The following AKAP6 variants were observed in gnomAD, a reference collection of about 807,000 sequenced individuals.
The protein encoded by AKAP6 is A-kinase anchor protein 6.
In AKAP6, 58 loss-of-function variants were observed where a neutral mutation model predicts 188.5. The observed-to-expected ratio is 0.31, with a 90% CI of 0.25 to 0.38. The LOEUF is 0.38. Among genes scored for constraint, AKAP6 ranks in the 10% least tolerant of loss-of-function variants. AKAP6 has a pLI of 1.00. For synonymous variants in AKAP6, 989 were observed against 998.6 expected (o/e 0.99, Z 0.18); for missense variants, 2,710 against 2,740.0 (o/e 0.99, Z 0.24).
chr14:32,508,046 T>C (rs1442208898), intron 2 of AKAP6, among the ~76,000 whole-genome samples: 1 of 152,208 alleles, frequency 6.6e-6, no homozygotes, highest in Non-Finnish European at 1.5e-5. Context: ...ACTTCAATTA[T>C]CTGTGATGTG....
intron 13 of AKAP6, among the ~76,000 whole-genome samples, chr14:32,825,809 G>A (rs976615636): frequency 2.3e-4 from 35 of 152,126 alleles, no homozygotes; most frequent in Non-Finnish European, 1.2e-4. Context: ...ACCTAAACTC[G>A]TGCTATAGGA....
chr14:32,582,973 CCTT>C (rs1282485611), intron 5 of AKAP6, among the ~76,000 whole-genome samples: 1 of 152,196 alleles, frequency 6.6e-6, no homozygotes, highest in East Asian at 1.9e-4. Context: ...TCATCTGAAG[CCTT>C]CTTCTCTCAA....
At chr14:32,752,967 G>A (rs1039042118) in intron 11 of AKAP6, among the ~76,000 whole-genome samples, 2 of 151,970 alleles carry the variant, frequency 1.3e-5, no homozygotes, top group African/African-American at 4.8e-5. Context: ...TGATCAGTTT[G>A]GTTTTTTCCA....
chr14:32,436,616 A>C (rs1016806855), intron 2 of AKAP6, among the ~76,000 whole-genome samples: 1 of 152,136 alleles, frequency 6.6e-6, no homozygotes, highest in Non-Finnish European at 1.5e-5. Flanking sequence ...CTTGCAGTTT[A>C]TTCTCCACCC....
At chr14:32,381,726 C>G (rs1364522646) in intron 1 of AKAP6, among the ~76,000 whole-genome samples, 1 of 152,068 alleles carries the variant, frequency 6.6e-6, no homozygotes, top group Non-Finnish European at 1.5e-5. Context: ...ACCCCTATTC[C>G]TCCATAAACC....
chr14:32,421,751 A>C lies in AKAP6; in HGVS notation c.-34-11709A>C, dbSNP rs142404567. Among the ~76,000 whole-genome samples, 22 of 152,250 alleles carry C rather than the reference A, an allele frequency of 1.4e-4. 1 individual carries two copies. The East Asian group carries it at 2.5e-3, about 17-fold the overall frequency. ...TCTGAATGTGTAGGTGGGCCTGTTG[A>C]CTGAATGTCACTGTAGGGTAATCTG... On this transcript the variant is annotated intron_variant, in intron 1 of 13. Transcript: ENST00000280979.
chr14:32,390,657 G>T (rs189484887), intron 1 of AKAP6, among the ~76,000 whole-genome samples: 1 of 152,222 alleles, frequency 6.6e-6, no homozygotes, highest in African/African-American at 2.4e-5. Flanking sequence ...ACCAGGTTCT[G>T]GGCTGGTACT....
rs146131670 is a variant in AKAP6, at chr14:32,829,851, C to T, written c.*46C>T. The T allele has an allele frequency of 2.0e-4, 142 of 699,964 alleles. No individual in the cohort carries two copies. Among genetic ancestry groups the T allele is most frequent in the Admixed American group, 3.0e-4 (15 of 49,554 alleles). The allele number at this position is 699,964 out of a possible 1,614,324, so 43.4% of individuals were successfully genotyped here. A position where few individuals can be genotyped will look rare whatever the true frequency, so the allele number is the denominator to read the frequency against. Reference sequence around the variant, plus strand: ...GTCACTTTTTTGTTTCTTGTAGATACGCCTGGCTGCAACTCAGGGGTGGCC... The same window carrying T: ...GTCACTTTTTTGTTTCTTGTAGATATGCCTGGCTGCAACTCAGGGGTGGCC... On this transcript the variant is annotated 3_prime_UTR_variant, in exon 14 of 14. Transcript: ENST00000280979.
chr14:32,822,615 C>A lies in AKAP6; in HGVS notation c.4802C>A (p.Thr1601Asn). 1 of 1,613,974 alleles carries A rather than the reference C, an allele frequency of 6.2e-7. No homozygotes were observed. Among genetic ancestry groups the A allele is most frequent in the Non-Finnish European group, 8.5e-7 (1 of 1,179,960 alleles). ...AGCACTTCTTTAGAAAGTTGGTTGA[C>A]TTCCTATAAAAGCAATGAAGATCTC... Reference protein sequence around the residue: ...QRSTSLESWLTSYKSNEDLFS... With the variant: ...QRSTSLESWLNSYKSNEDLFS... Residue 1601 changes from threonine (T) to asparagine (N), a missense_variant, in exon 13 of 14, where the codon ACT becomes AAT. By Grantham distance (65) the Thr-to-Asn change is moderately conservative (BLOSUM62 0). Transcript: ENST00000280979.
intron 2 of AKAP6, among the ~76,000 whole-genome samples, chr14:32,486,457 G>GT (rs1488149341): frequency 6.6e-6 from 1 of 152,124 alleles, no homozygotes; most frequent in Non-Finnish European, 1.5e-5. Flanking sequence ...AGCATGGAAT[G>GT]TTTTTCCATT....
chr14:32,676,166 T>C (rs974338031), intron 7 of AKAP6, among the ~76,000 whole-genome samples: 1 of 152,190 alleles, frequency 6.6e-6, no homozygotes, highest in Admixed American at 6.5e-5. Flanking sequence ...CGTTAAACTT[T>C]GTGGCTTTGC....
chr14:32,823,322 A>C lies in AKAP6; in HGVS notation c.5509A>C (p.Thr1837Pro). The C allele has an allele frequency of 6.2e-7, 1 of 1,613,900 alleles. No individual in the cohort carries two copies. The highest frequency in any genetic ancestry group is 8.5e-7 in the Non-Finnish European group (1 of 1,179,924). The stretch of plus-strand genomic sequence containing the variant: ...TAAAGATATAAGTAGCAGTGAGATG[A>C]CCAATCCCTCTGATACTCTGAATAT... Reference protein sequence around the residue: ...GSKDISSSEMTNPSDTLNIET... With the variant: ...GSKDISSSEMPNPSDTLNIET... Residue 1837 changes from threonine (T) to proline (P), a missense_variant, in exon 13 of 14, where the codon ACC becomes CCC. By Grantham distance (38) the Thr-to-Pro change is conservative. This residue lies in a region of AKAP6 where 2,473 missense variants were observed against 2,426.1 expected (regional missense o/e 1.02). Transcript: ENST00000280979.
intron 2 of AKAP6, among the ~76,000 whole-genome samples, chr14:32,508,336 T>TTCA (rs1880979466): frequency 1.3e-5 from 2 of 152,234 alleles, no homozygotes; most frequent in Admixed American, 6.5e-5. Context: ...AAGGCTATGC[T>TTCA]GATAGTTCAT....
chr14:32,432,652 G>A (rs1890259688), intron 1 of AKAP6, among the ~76,000 whole-genome samples: 1 of 152,164 alleles, frequency 6.6e-6, no homozygotes, highest in Non-Finnish European at 1.5e-5. Context: ...ATAGAAAGGA[G>A]CAACATCTCC....
At chr14:32,609,164 C>T (rs1886249070) in intron 7 of AKAP6, among the ~76,000 whole-genome samples, 1 of 152,126 alleles carries the variant, frequency 6.6e-6, no homozygotes, top group Non-Finnish European at 1.5e-5. Context: ...AATGTACACA[C>T]ACCTGCACTC....
chr14:32,408,828 T>G (rs538623291), intron 1 of AKAP6, among the ~76,000 whole-genome samples: 2 of 152,224 alleles, frequency 1.3e-5, no homozygotes, highest in East Asian at 3.9e-4. Context: ...GGCTTTCTTA[T>G]CCATGGCAAG....
At chr14:32,738,936 G>A (rs2031555973) in intron 11 of AKAP6, among the ~76,000 whole-genome samples, 1 of 152,100 alleles carries the variant, frequency 6.6e-6, no homozygotes, top group South Asian at 2.1e-4. Flanking sequence ...CAAAAGTAGG[G>A]CAGTGGGCTT....
At chr14:32,782,695 G>T (rs531520747) in intron 12 of AKAP6, among the ~76,000 whole-genome samples, 3 of 152,064 alleles carry the variant, frequency 2.0e-5, no homozygotes, top group East Asian at 1.9e-4. Context: ...TCTAACAATA[G>T]ATATGGAAGA....
At chr14:32,586,681 A>G (rs1027190365) in intron 5 of AKAP6, among the ~76,000 whole-genome samples, 5 of 152,212 alleles carry the variant, frequency 3.3e-5, no homozygotes, top group South Asian at 2.1e-4. Context: ...TGTAGTTTCT[A>G]TTAGTAATAA....
Sources: allele counts gnomAD v4.1 joint callset (sites outside exome capture counted in the v4.1 genomes callset), GRCh38; gene constraint gnomAD v4.1.1; regional missense constraint gnomAD v4.1.1; transcripts MANE v1.5; gene names NCBI Gene and HGNC (gene_info 2026-07-23, HGNC 2026-07-21).